MRPL48: variants seen among roughly 807,000 people sequenced by gnomAD.
The protein encoded by MRPL48 is large ribosomal subunit protein mL48.
In MRPL48, 16 loss-of-function variants were observed where a neutral mutation model predicts 32.9. The ratio of observed to expected loss-of-function variants is 0.49; its 90% CI spans 0.33 to 0.74. The LOEUF is 0.74. Ranked by LOEUF, MRPL48 falls within the 30% of genes least tolerant of loss-of-function variation. The probability of loss-of-function intolerance (pLI) is 0.02; values close to 1 mark genes in which losing one functional copy is unlikely to be tolerated. For missense variants in MRPL48, 206 were observed against 245.3 expected (o/e 0.84, Z 1.07); for synonymous variants, 94 against 89.2 (o/e 1.05, Z -0.31).
chr11:73,813,726 C>A (rs1947609443), intron 3 of MRPL48, among the ~76,000 whole-genome samples: 1 of 151,944 alleles, frequency 6.6e-6, no homozygotes, highest in African/African-American at 2.4e-5. Context: ...TTAAAAAGGT[C>A]TTTTCTACCC....
At chr11:73,792,990 T>C (rs1193043352) in intron 1 of MRPL48, among the ~76,000 whole-genome samples, 2 of 152,246 alleles carry the variant, frequency 1.3e-5, no homozygotes, top group African/African-American at 4.8e-5. Context: ...CAGATATTTA[T>C]TGGGCACTTG....
chr11:73,860,147 A>G, intron 6 of MRPL48, 138 bp downstream of exon 6: 1 of 659,604 alleles, frequency 1.5e-6, no homozygotes, highest in Non-Finnish European at 2.5e-6. Flanking sequence ...TGATGCCTCC[A>G]TCTCTCCTTT....
At chr11:73,807,886 G>C (rs965455827) in intron 2 of MRPL48, among the ~76,000 whole-genome samples, 4 of 152,106 alleles carry the variant, frequency 2.6e-5, no homozygotes, top group Non-Finnish European at 4.4e-5. Flanking sequence ...TCATCTGCCT[G>C]CCTCGGCCTC....
intron 1 of MRPL48, among the ~76,000 whole-genome samples, chr11:73,802,511 G>T (rs765769588): frequency 3.9e-5 from 6 of 151,962 alleles, no homozygotes; most frequent in African/African-American, 7.3e-5. Flanking sequence ...GCCACTAATT[G>T]ACTTCCTTTC....
intron 1 of MRPL48, among the ~76,000 whole-genome samples, chr11:73,804,712 GTGCATGGCAGA>G (rs1947419271): frequency 6.6e-6 from 1 of 152,194 alleles, no homozygotes; most frequent in Admixed American, 6.5e-5. Flanking sequence ...TCATGATGCT[GTGCATGGCAGA>G]TGCATACTAA....
At chr11:73,811,960 A>C (rs936524474) in intron 3 of MRPL48, among the ~76,000 whole-genome samples, 3 of 151,994 alleles carry the variant, frequency 2.0e-5, no homozygotes, top group Non-Finnish European at 2.9e-5. Context: ...ATCTTGGCTC[A>C]CTGCAAGCTC....
chr11:73,863,293 G>A (rs373856472), intron 7 of MRPL48, 32 bp downstream of exon 7: 410 of 1,506,860 alleles, frequency 2.7e-4, no homozygotes, highest in Non-Finnish European at 3.6e-4. Flanking sequence ...GGCCCCTGCT[G>A]GCCTGCATAT....
At chr11:73,826,023 T>C (rs1411650737) in intron 4 of MRPL48, among the ~76,000 whole-genome samples, 1 of 152,140 alleles carries the variant, frequency 6.6e-6, no homozygotes, top group Non-Finnish European at 1.5e-5. Flanking sequence ...GGTTTTTATT[T>C]TTATTTTTTT....
intron 4 of MRPL48, among the ~76,000 whole-genome samples, chr11:73,844,044 A>G (rs2515090): frequency 0.032 from 4,771 of 151,322 alleles, 233 homozygotes; most frequent in African/African-American, 0.11. Flanking sequence ...GCGCCATTGC[A>G]TTCCAGCCTG....
At chr11:73,800,812 T>TC (rs1357026088) in intron 1 of MRPL48, among the ~76,000 whole-genome samples, 1 of 131,824 alleles carries the variant, frequency 7.6e-6, no homozygotes. Context: ...TTCTTTTTCT[T>TC]TTTTTTTTTT....
intron 3 of MRPL48, among the ~76,000 whole-genome samples, chr11:73,808,638 GA>G (rs1565407039): frequency 6.6e-6 from 1 of 152,146 alleles, no homozygotes; most frequent in African/African-American, 2.4e-5. Flanking sequence ...AGCAGGCTGT[GA>G]GGCCGGGTGC....
At chr11:73,812,742 T>TATA (rs1379687569) in intron 3 of MRPL48, among the ~76,000 whole-genome samples, 5 of 103,074 alleles carry the variant, frequency 4.9e-5, no homozygotes, top group Admixed American at 9.3e-5. Flanking sequence ...ATATATATAT[T>TATA]TATTTATTTA....
chr11:73,833,319 T>C (rs141896124), intron 4 of MRPL48, among the ~76,000 whole-genome samples: 8 of 151,882 alleles, frequency 5.3e-5, no homozygotes, highest in African/African-American at 1.9e-4. Flanking sequence ...TGACTGCCTG[T>C]GCCATTAGAG....
intron 3 of MRPL48, among the ~76,000 whole-genome samples, chr11:73,811,705 A>C (rs577020418): frequency 6.6e-6 from 1 of 152,194 alleles, no homozygotes; most frequent in Non-Finnish European, 1.5e-5. Flanking sequence ...TTCTGAGGAA[A>C]GTCTTTTAAA....
chr11:73,857,123 T>C (rs1948494348), intron 5 of MRPL48, among the ~76,000 whole-genome samples: 1 of 150,406 alleles, frequency 6.6e-6, no homozygotes, highest in South Asian at 2.2e-4. Context: ...AGTGAGCTCC[T>C]TGAAAGCATA....
At chr11:73,852,491 G>T (rs1348451071) in intron 5 of MRPL48, among the ~76,000 whole-genome samples, 1 of 150,844 alleles carries the variant, frequency 6.6e-6, no homozygotes, top group African/African-American at 2.4e-5. Context: ...ATGGCAAACA[G>T]GCCTATGAAA....
At chr11:73,831,350 C>A (rs935775295) in intron 4 of MRPL48, among the ~76,000 whole-genome samples, 1 of 152,108 alleles carries the variant, frequency 6.6e-6, no homozygotes, top group East Asian at 1.9e-4. Context: ...CAGTGATTTC[C>A]CTTTTTGCAC....
chr11:73,817,918 C>T, intron 3 of MRPL48: 1 of 240,836 alleles, frequency 4.2e-6, no homozygotes, highest in Non-Finnish European at 8.6e-6. Flanking sequence ...AATCCTCCTG[C>T]CTCAGCCTCT....
chr11:73,841,947 G>A (rs1948193163), intron 4 of MRPL48, among the ~76,000 whole-genome samples: 1 of 151,250 alleles, frequency 6.6e-6, no homozygotes, highest in African/African-American at 2.4e-5. Flanking sequence ...TTGGGGGGGG[G>A]TTTGTTTTTA....
Sources: allele counts gnomAD v4.1 joint callset (sites outside exome capture counted in the v4.1 genomes callset), GRCh38; gene constraint gnomAD v4.1.1; transcripts MANE v1.5; gene names NCBI Gene and HGNC (gene_info 2026-07-23, HGNC 2026-07-21).